Variants in NUDT12 observed in about 807,000 individuals in gnomAD.
NUDT12 encodes the protein nudix hydrolase 12.
NUDT12 carries 42 observed loss-of-function variants against 45.7 expected under a neutral mutation model. That is an observed-to-expected ratio of 0.92 (90% CI 0.72 to 1.19). The LOEUF is 1.19. NUDT12 is among the 50% of genes most tolerant of loss of function. The pLI, the probability that NUDT12 is intolerant of heterozygous loss-of-function variation, is 0.00. For synonymous variants in NUDT12, 206 were observed against 179.7 expected (o/e 1.15, Z -1.17); for missense variants, 590 against 533.1 (o/e 1.11, Z -1.05).
Position 103,559,017 on chromosome 5 carries a change from CCT to C in NUDT12, c.656_657del (p.Glu219GlyfsTer19), listed in dbSNP as rs1208255056. 3 of 1,613,816 alleles carry C rather than the reference CCT, an allele frequency of 1.9e-6. No homozygotes were observed. The Admixed American group carries it at 5.0e-5, about 27-fold the overall frequency. On this transcript the variant is annotated frameshift_variant, in exon 3 of 7. Coordinates refer to ENST00000230792, the MANE Select transcript of NUDT12 (RefSeq NM_031438.4). LOFTEE classifies it high-confidence loss of function. ...LLNYAGEVPREEEDGLVAWFA... is the reference protein window; with the variant it reads ...LLNYAGEVPRXEEDGLVAWFA... ...AACCAGGCAACCAATCCATCTTCCTCCTCTCTCGGGACTTCACCAGCATAATT... is the reference window on the plus strand; with the variant it reads ...AACCAGGCAACCAATCCATCTTCCTCCTCTCGGGACTTCACCAGCATAATT...
chr5:103,555,388 A>C (rs1748782208), intron 4 of NUDT12, among the ~76,000 whole-genome samples: 1 of 152,092 alleles, frequency 6.6e-6, no homozygotes, highest in African/African-American at 2.4e-5. Flanking sequence ...AATTAAATGT[A>C]AAAGGCTCTT....
chr5:103,558,947 CTT>C lies in NUDT12; in HGVS notation c.726_727del (p.Arg243ThrfsTer2), dbSNP rs1562620167. ...ATGAAGAAAGTAACAATTTTCATGT[CTT>C]TGCTTGAATTCTTCAGCAGCAATAG... On this transcript the variant is annotated frameshift_variant, in exon 3 of 7. Transcript: ENST00000230792. LOFTEE classifies it high-confidence loss of function. 1.2e-6 allele frequency: 2 copies of C among 1,611,046 alleles called. No homozygotes were observed. Among genetic ancestry groups the C allele is most frequent in the Admixed American group, 1.7e-5 (1 of 59,572 alleles).
Position 103,550,780 on chromosome 5 carries a change from T to G in NUDT12, c.*81A>C. On this transcript the variant is annotated 3_prime_UTR_variant, in exon 7 of 7. Coordinates refer to ENST00000230792, the MANE Select transcript of NUDT12 (RefSeq NM_031438.4). ...TTTTGTGTTGTGACACTCTCAAGAG[T>G]ACTGAATAATCTCTAATATCACTTG... 1 of 949,460 alleles carries G rather than the reference T, an allele frequency of 1.1e-6. No homozygotes were observed. The allele number at this position is 949,460 out of a possible 1,614,324, so 58.8% of individuals were successfully genotyped here. A position where few individuals can be genotyped will look rare whatever the true frequency, so the allele number is the denominator to read the frequency against.
chr5:103,557,797 G>A (rs1748875694), intron 3 of NUDT12, among the ~76,000 whole-genome samples: 1 of 151,634 alleles, frequency 6.6e-6, no homozygotes, highest in African/African-American at 2.4e-5. Context: ...GGGGATTCAG[G>A]TCTTATTCTG....
chr5:103,552,755 T>C (rs1748697349), intron 5 of NUDT12, among the ~76,000 whole-genome samples: 1 of 152,162 alleles, frequency 6.6e-6, no homozygotes, highest in Non-Finnish European at 1.5e-5. Flanking sequence ...ATGTATATAT[T>C]GTCCACGAAA....
rs1041576032 is a variant in NUDT12, at chr5:103,549,386, CTTTTA to C, written c.*1470_*1474del. 1.8e-4 allele frequency: 28 copies of C among 151,948 alleles called. No individual in the cohort carries two copies. The highest frequency in any genetic ancestry group is 7.5e-3 in the Middle Eastern group (2 of 266). The allele number at this position is 151,948 out of a possible 1,614,324, so 9.4% of individuals were successfully genotyped here. A position where few individuals can be genotyped will look rare whatever the true frequency, so the allele number is the denominator to read the frequency against. ...AAATAAAGTTTTATCTGACAGTTAT[CTTTTA>C]TTTAAGTTAAATAAATGTTAAGTAT... On this transcript the variant is annotated 3_prime_UTR_variant, in exon 7 of 7. Coordinates refer to ENST00000230792, the MANE Select transcript of NUDT12 (RefSeq NM_031438.4).
intron 1 of NUDT12, among the ~76,000 whole-genome samples, chr5:103,561,051 T>G (rs11737902): frequency 2.0e-5 from 3 of 151,160 alleles, no homozygotes; most frequent in African/African-American, 7.3e-5. Flanking sequence ...CACACTGAGC[T>G]TTTTTTGTCT....
chr5:103,557,105 A>G (rs1748846582), intron 3 of NUDT12, among the ~76,000 whole-genome samples: 2 of 151,482 alleles, frequency 1.3e-5, no homozygotes, highest in African/African-American at 4.8e-5. Context: ...GTTTAGAGCA[A>G]CCCTAAAGAA....
At position 103,554,735 on chromosome 5, in the gene NUDT12, CT is replaced by C; in HGVS notation, c.1078+4del. The C allele has an allele frequency of 1.6e-6, 2 of 1,249,838 alleles. No homozygotes were observed. The highest frequency in any genetic ancestry group is 1.6e-5 in the African/African-American group (1 of 64,268). The allele number at this position is 1,249,838 out of a possible 1,614,324, so 77.4% of individuals were successfully genotyped here. A position where few individuals can be genotyped will look rare whatever the true frequency, so the allele number is the denominator to read the frequency against. On this transcript the variant is annotated splice_donor_region_variant and intron_variant, in intron 5 of 6. Coordinates refer to ENST00000230792, the MANE Select transcript of NUDT12 (RefSeq NM_031438.4). ...TTAAATATAAATTATTAAGAAATGG[CT>C]TACCAGGCTCAATAAATCCAGCAAG...
chr5:103,551,117 C>A (rs1748642607), intron 6 of NUDT12, 146 bp from the exon 7 acceptor site: 5 of 596,864 alleles, frequency 8.4e-6, no homozygotes, highest in Admixed American at 3.1e-5. Context: ...TATTTACATG[C>A]AAAGTTTTTT....
Position 103,559,100 on chromosome 5 carries a change from T to G in NUDT12, c.575A>C (p.Glu192Ala). Residue 192 changes from glutamate (E) to alanine (A), a missense_variant, in exon 3 of 7, where the codon GAG becomes GCG. Glu to Ala is a moderately radical substitution (Grantham distance 107). Coordinates refer to ENST00000230792, the MANE Select transcript of NUDT12 (RefSeq NM_031438.4). ...TDIKDYLAQPEKITLIFLGVE... is the reference protein window; with the variant it reads ...TDIKDYLAQPAKITLIFLGVE... ...TCCAAGAAAAATCAAGGTGATCTTC[T>G]CAGGCTGGGCCAAATAATCCTTTAT... is the stretch of plus-strand genomic sequence containing the variant. The G allele has an allele frequency of 6.2e-7, 1 of 1,611,748 alleles. No homozygotes were observed. The highest frequency in any genetic ancestry group is 8.5e-7 in the Non-Finnish European group (1 of 1,178,920).
chr5:103,554,796 C>T lies in NUDT12; in HGVS notation c.1022G>A (p.Arg341Lys). 6.4e-7 allele frequency: 1 copy of T among 1,562,756 alleles called. No individual in the cohort carries two copies. Among genetic ancestry groups the T allele is most frequent in the Non-Finnish European group, 8.7e-7 (1 of 1,150,526 alleles). The stretch of plus-strand genomic sequence containing the variant: ...CATGCCTGGGGGAAATCTTTTCTGC[C>T]TGCCTAAAAGGCATTTGGTCCCATC... Reference protein sequence around the residue: ...HPDGTKCLLGRQKRFPPGMFT... With the variant: ...HPDGTKCLLGKQKRFPPGMFT... The change falls in exon 5 of 7, where the codon AGG (arginine) becomes AAG (lysine). Residue 341 changes from arginine to lysine, a missense_variant. By Grantham distance (26) the Arg-to-Lys change is conservative. Transcript: ENST00000230792.
Position 103,550,044 on chromosome 5 carries a change from G to A in NUDT12, c.*817C>T, listed in dbSNP as rs939185832. On this transcript the variant is annotated 3_prime_UTR_variant, in exon 7 of 7. Transcript: ENST00000230792. The stretch of plus-strand genomic sequence containing the variant: ...TCTGCCTGGGACTTATTTAATATCC[G>A]ACCTTTGAGGAGAATTCCTTTCAAG... 2.0e-5 allele frequency: 3 copies of A among 152,036 alleles called. No homozygotes were observed. Among genetic ancestry groups the A allele is most frequent in the African/African-American group, 7.2e-5 (3 of 41,394 alleles). The allele number at this position is 152,036 out of a possible 1,614,324, so 9.4% of individuals were successfully genotyped here. A position where few individuals can be genotyped will look rare whatever the true frequency, so the allele number is the denominator to read the frequency against.
In NUDT12 at chr5:103,552,474, T is replaced by C. The variant is rs1027821762; in HGVS notation, c.1079-58A>G. 9.2e-6 allele frequency: 12 copies of C among 1,302,832 alleles called. No individual in the cohort carries two copies. In the South Asian group the frequency reaches 1.3e-4, roughly 14 times the overall value. The allele number at this position is 1,302,832 out of a possible 1,614,324, so 80.7% of individuals were successfully genotyped here. On this transcript the variant is annotated intron_variant, in intron 5 of 6. Transcript: ENST00000230792. ...ATGAACATGCCCGGGACACTTTGTG[T>C]CCTGAATGGTTCAAACATCTGGAAA...
Position 103,550,693 on chromosome 5 carries a change from A to C in NUDT12, c.*168T>G. The C allele has an allele frequency of 2.1e-6, 1 of 470,278 alleles. No homozygotes were observed. Among genetic ancestry groups the C allele is most frequent in the East Asian group, 3.2e-5 (1 of 31,592 alleles). 29.1% of individuals were successfully genotyped at this position (470,278 alleles called of 1,614,324 possible). A position where few individuals can be genotyped will look rare whatever the true frequency, so the allele number is the denominator to read the frequency against. On this transcript the variant is annotated 3_prime_UTR_variant, in exon 7 of 7. Coordinates refer to ENST00000230792, the MANE Select transcript of NUDT12 (RefSeq NM_031438.4). The stretch of plus-strand genomic sequence containing the variant: ...TGAGGCAATATTGTAAAAATGTGTA[A>C]AAATATGAATTTGTGATTAAGACAG...
At chr5:103,551,532 T>C (rs181102973) in intron 6 of NUDT12, among the ~76,000 whole-genome samples, 74 of 152,276 alleles carry the variant, frequency 4.9e-4, no homozygotes, top group African/African-American at 1.7e-3. Context: ...AAAAGCAAAA[T>C]GTACGCTCCA....
chr5:103,556,001 A>G lies in NUDT12; in HGVS notation c.894T>C (p.Tyr298=). ...GNATKIEEGG[Y]KRLCLKEDCP... ...AGTCTTCTTTTAAACATAATCTCTT[A>G]TAGCCACCTTCTTCAATTTTAGTTG... Residue 298 remains tyrosine (Y), a synonymous_variant, in exon 4 of 7, where the codon TAT becomes TAC. Coordinates refer to ENST00000230792, the MANE Select transcript of NUDT12 (RefSeq NM_031438.4). The G allele has an allele frequency of 6.2e-7, 1 of 1,611,780 alleles. No homozygotes were observed. Among genetic ancestry groups the G allele is most frequent in the Non-Finnish European group, 8.5e-7 (1 of 1,178,482 alleles).
intron 5 of NUDT12, among the ~76,000 whole-genome samples, chr5:103,553,772 C>T (rs992114360): frequency 6.6e-6 from 1 of 152,038 alleles, no homozygotes; most frequent in African/African-American, 2.4e-5. Context: ...TGGATTACTA[C>T]CCAGCAGTTA....
chr5:103,556,981 T>C lies in NUDT12; in HGVS notation c.797-883A>G, dbSNP rs1580695606. ...CTACGTAACCTTGTAATATGTAACTTACACTAGGGTATTTACATTATTTCA... is the reference window on the plus strand; with the variant it reads ...CTACGTAACCTTGTAATATGTAACTCACACTAGGGTATTTACATTATTTCA... On this transcript the variant is annotated intron_variant, in intron 3 of 6. Transcript: ENST00000230792. Among the ~76,000 whole-genome samples, 3 of 152,038 alleles carry C rather than the reference T, an allele frequency of 2.0e-5. No homozygotes were observed. The South Asian group carries it at 6.2e-4, about 31-fold the overall frequency.
Sources: gnomAD v4.1 joint callset for allele counts (sites outside exome capture counted in the v4.1 genomes callset) on GRCh38, gnomAD v4.1.1 for gene constraint, MANE v1.5 for transcripts, NCBI Gene and HGNC (gene_info 2026-07-23, HGNC 2026-07-21) for gene names.